Variants in PCNX1 observed in about 807,000 individuals in gnomAD.
PCNX1 encodes pecanex 1, also known as pecanex-like protein 1.
Under a neutral mutation model 242.2 loss-of-function variants are expected in PCNX1, and 78 were observed. The observed-to-expected ratio is 0.32, with a 90% confidence interval of 0.27 to 0.39. PCNX1 has a LOEUF of 0.39. PCNX1 is among the 10% of genes least tolerant of loss of function. The pLI is 1.00. For synonymous variants in PCNX1, 1,024 were observed against 1,032.9 expected (o/e 0.99, Z 0.17); for missense variants, 2,581 against 2,856.5 (o/e 0.90, Z 2.20).
intron 6 of PCNX1, among the ~76,000 whole-genome samples, chr14:70,987,078 A>T (rs1038930314): frequency 1.1e-4 from 17 of 152,172 alleles, no homozygotes; most frequent in Non-Finnish European, 1.5e-4. Flanking sequence ...TCATCCATTG[A>T]TTGCCCTTCC....
At chr14:70,969,456 T>C (rs187710784) in intron 5 of PCNX1, among the ~76,000 whole-genome samples, 14 of 152,296 alleles carry the variant, frequency 9.2e-5, no homozygotes, top group Admixed American at 8.5e-4. Flanking sequence ...AACTGTTACT[T>C]TCCATTCAGT....
intron 1 of PCNX1, among the ~76,000 whole-genome samples, chr14:70,942,668 A>G (rs554870353): frequency 7.9e-5 from 12 of 152,352 alleles, no homozygotes; most frequent in African/African-American, 2.9e-4. Flanking sequence ...TGGAGCTTCC[A>G]TGCTGTCTCT....
intron 2 of PCNX1, among the ~76,000 whole-genome samples, chr14:70,948,631 A>G (rs139076999): frequency 4.6e-5 from 7 of 151,006 alleles, no homozygotes; most frequent in South Asian, 2.1e-4. Context: ...ATACACATAT[A>G]TAGTTGTGTA....
At chr14:70,938,068 A>G (rs975872410) in intron 1 of PCNX1, among the ~76,000 whole-genome samples, 10 of 152,206 alleles carry the variant, frequency 6.6e-5, no homozygotes, top group Non-Finnish European at 1.2e-4. Flanking sequence ...CAATCATGTC[A>G]TCTGCAAACA....
intron 2 of PCNX1, among the ~76,000 whole-genome samples, chr14:70,948,129 A>G (rs1055195168): frequency 3.9e-5 from 6 of 152,216 alleles, no homozygotes; most frequent in South Asian, 2.1e-4. Flanking sequence ...CAGTAATTCT[A>G]ATTTCGCCCT....
At chr14:70,913,521 C>T (rs1216282465) in intron 1 of PCNX1, among the ~76,000 whole-genome samples, 1 of 152,004 alleles carries the variant, frequency 6.6e-6, no homozygotes. Context: ...TAATATATAC[C>T]ACATAAATCT....
chr14:71,001,014 A>G (rs1237175681), intron 8 of PCNX1, among the ~76,000 whole-genome samples: 3 of 152,190 alleles, frequency 2.0e-5, no homozygotes. Flanking sequence ...TTATCAAAGG[A>G]TGGCAAAAAT....
intron 2 of PCNX1, among the ~76,000 whole-genome samples, chr14:70,957,786 TAA>T (rs2058048359): frequency 6.6e-6 from 1 of 152,084 alleles, no homozygotes; most frequent in Admixed American, 6.6e-5. Context: ...CATATTTCAA[TAA>T]AGTTGACATA....
intron 17 of PCNX1, 115 bp downstream of exon 17, chr14:71,033,653 TC>T (rs1297096862): frequency 3.1e-6 from 2 of 637,546 alleles, no homozygotes; most frequent in Non-Finnish European, 5.5e-6. Context: ...TTTGGCCTAA[TC>T]TATATTAAGT....
At chr14:71,012,849 G>A in intron 10 of PCNX1, 136 bp from the exon 11 acceptor site, 1 of 643,204 alleles carries the variant, frequency 1.6e-6, no homozygotes, top group Non-Finnish European at 2.7e-6. Context: ...GTGTATGAGA[G>A]AAGAAAATTA....
In PCNX1 at chr14:70,924,565, C is replaced by T. The variant is rs1252781126; in HGVS notation, c.153+16562C>T. ...TAGTTTATTAATTTTGAACTAGTCA[C>T]CTTATATAACTAGTTTATTCCTTTA... is the stretch of plus-strand genomic sequence containing the variant. On this transcript the variant is annotated intron_variant, in intron 1 of 35. Coordinates refer to ENST00000304743, the MANE Select transcript of PCNX1 (RefSeq NM_014982.3). Among the ~76,000 whole-genome samples, 17 of 152,206 alleles carry T rather than the reference C, an allele frequency of 1.1e-4. No individual in the cohort carries two copies. The East Asian group carries it at 3.3e-3, about 29-fold the overall frequency.
chr14:71,054,129 T>C (rs900479551), intron 24 of PCNX1, among the ~76,000 whole-genome samples: 1 of 152,206 alleles, frequency 6.6e-6, no homozygotes, highest in African/African-American at 2.4e-5. Context: ...CATGGATATT[T>C]TTCTTTGATC....
chr14:70,981,811 T>C (rs2058847961), intron 6 of PCNX1, among the ~76,000 whole-genome samples: 3 of 152,210 alleles, frequency 2.0e-5, no homozygotes, highest in Non-Finnish European at 1.5e-5. Flanking sequence ...TTTAAACTTA[T>C]TTCCTGTGTG....
intron 2 of PCNX1, among the ~76,000 whole-genome samples, chr14:70,957,057 G>A (rs1457431541): frequency 6.6e-6 from 1 of 152,010 alleles, no homozygotes; most frequent in Non-Finnish European, 1.5e-5. Flanking sequence ...GTGCAGTGGT[G>A]CAATCATAGC....
Position 70,978,532 on chromosome 14 carries a change from A to T in PCNX1, c.2195A>T (p.Asp732Val). The change falls in exon 6 of 36, where the codon GAT (aspartate) becomes GTT (valine). Residue 732 changes from aspartate to valine, a missense_variant. Transcript: ENST00000304743. ...DLEAKEGEVL[D>V]ELSLLGRASQ... ...GAGGCCAAAGAGGGAGAGGTGCTAG[A>T]TGAGCTATCTTTATTAGGACGGGCT... 3 of 1,614,176 alleles carry T rather than the reference A, an allele frequency of 1.9e-6. No individual in the cohort carries two copies. The highest frequency in any genetic ancestry group is 2.5e-6 in the Non-Finnish European group (3 of 1,180,008).
At chr14:70,925,114 G>A (rs2056538917) in intron 1 of PCNX1, among the ~76,000 whole-genome samples, 1 of 151,596 alleles carries the variant, frequency 6.6e-6, no homozygotes, top group Non-Finnish European at 1.5e-5. Context: ...TCAGACTCCC[G>A]AGTAGCTGGG....
intron 4 of PCNX1, 26 bp from the exon 5 acceptor site, chr14:70,968,995 C>G (rs747679889): frequency 1.5e-6 from 2 of 1,360,284 alleles, no homozygotes; most frequent in African/African-American, 1.4e-5. Context: ...ATATAAGGTC[C>G]TCACATGTTT....
At chr14:71,034,943 G>A (rs988561758) in intron 18 of PCNX1, among the ~76,000 whole-genome samples, 2 of 152,142 alleles carry the variant, frequency 1.3e-5, no homozygotes, top group Non-Finnish European at 2.9e-5. Context: ...GTTTTTCTAT[G>A]ACCACTGATG....
chr14:71,049,659 C>T (rs912969260), intron 22 of PCNX1, among the ~76,000 whole-genome samples: 2 of 152,072 alleles, frequency 1.3e-5, no homozygotes, highest in East Asian at 3.9e-4. Context: ...ATATTAGTGC[C>T]GAGGATTGCA....
Sources: gnomAD v4.1 joint callset for allele counts (sites outside exome capture counted in the v4.1 genomes callset) on GRCh38, gnomAD v4.1.1 for gene constraint, MANE v1.5 for transcripts, NCBI Gene and HGNC (gene_info 2026-07-23, HGNC 2026-07-21) for gene names.